The following EPHB1 variants were observed in gnomAD, a reference collection of about 807,000 sequenced individuals.
EPHB1 encodes the protein EPH receptor B1, also known as ephrin type-B receptor 1.
In EPHB1, 30 loss-of-function variants were observed where a neutral mutation model predicts 94.4. The ratio of observed to expected loss-of-function variants is 0.32; its 90% CI spans 0.24 to 0.43. The LOEUF is 0.43. EPHB1 is among the 20% of genes least tolerant of loss of function. The pLI is 1.00. For missense variants in EPHB1, 1,055 were observed against 1,308.3 expected, an observed-to-expected ratio of 0.81 and a Z score of 2.99; for synonymous variants, 522 against 489.1, an observed-to-expected ratio of 1.07 and a Z score of -0.89.
Position 135,201,599 on chromosome 3 carries a change from C to G in EPHB1, c.2256C>G (p.Val752=). ...ACCTGGCTGCTAGGAACATTCTGGT[C>G]AACAGTAACCTGGTGTGCAAGGTGT... ...HRDLAARNIL[V]NSNLVCKVSD... The change falls in exon 12 of 16, where the codon GTC becomes GTG. Residue 752 remains valine (V), a synonymous_variant. Transcript: ENST00000398015. The G allele has an allele frequency of 6.2e-7, 1 of 1,613,988 alleles. No individual in the cohort carries two copies. The highest frequency in any genetic ancestry group is 8.5e-7 in the Non-Finnish European group (1 of 1,179,958).
intron 3 of EPHB1, among the ~76,000 whole-genome samples, chr3:135,030,496 G>A (rs1344398102): frequency 6.6e-6 from 1 of 152,238 alleles, no homozygotes; most frequent in Admixed American, 6.5e-5. Context: ...TGAGGTGTCA[G>A]TATGCCCCTG....
At chr3:135,027,069 C>A (rs1936209886) in intron 3 of EPHB1, among the ~76,000 whole-genome samples, 1 of 144,310 alleles carries the variant, frequency 6.9e-6, no homozygotes, top group African/African-American at 2.6e-5. Flanking sequence ...GATTTTGTAT[C>A]CTGAGACTTT....
At chr3:134,975,147 A>G (rs897163872) in intron 3 of EPHB1, among the ~76,000 whole-genome samples, 6 of 152,206 alleles carry the variant, frequency 3.9e-5, no homozygotes, top group Non-Finnish European at 8.8e-5. Context: ...AAATGTAGGA[A>G]GAAGGCTGTT....
chr3:134,987,810 T>A (rs750516291), intron 3 of EPHB1, among the ~76,000 whole-genome samples: 2 of 151,904 alleles, frequency 1.3e-5, no homozygotes, highest in Non-Finnish European at 2.9e-5. Context: ...TGTGAGGACA[T>A]AGCAAGAAGG....
intron 3 of EPHB1, among the ~76,000 whole-genome samples, chr3:134,994,456 TC>T (rs894196949): frequency 2.6e-5 from 4 of 152,174 alleles, no homozygotes; most frequent in African/African-American, 9.7e-5. Flanking sequence ...ATGTTCTTCT[TC>T]CTCACAGTAC....
chr3:134,920,326 G>A (rs2107699469), intron 1 of EPHB1, among the ~76,000 whole-genome samples: 1 of 152,276 alleles, frequency 6.6e-6, no homozygotes, highest in Non-Finnish European at 1.5e-5. Flanking sequence ...TGTGCAGTGG[G>A]ACCAACTCTC....
At chr3:134,821,900 G>A (rs2108290200) in intron 1 of EPHB1, among the ~76,000 whole-genome samples, 1 of 152,300 alleles carries the variant, frequency 6.6e-6, no homozygotes, top group East Asian at 1.9e-4. Flanking sequence ...AGAGATCGGG[G>A]AGGTCAGAGC....
At chr3:135,252,631 T>G (rs1576503573) in intron 15 of EPHB1, among the ~76,000 whole-genome samples, 2 of 143,366 alleles carry the variant, frequency 1.4e-5, no homozygotes, top group African/African-American at 2.5e-5. Context: ...GACATGTGGG[T>G]TGGTTCCAAG....
Position 135,158,459 on chromosome 3 carries a change from G to A in EPHB1, c.1423-3559G>A, listed in dbSNP as rs561770745. On this transcript the variant is annotated intron_variant, in intron 6 of 15. Transcript: ENST00000398015. ...AATATGCAAATTGATGGGCATGGCT[G>A]GGTTCCAGTGGAACTTTATCAAAAC... Among the ~76,000 whole-genome samples, 269 of 152,304 alleles carry A rather than the reference G, an allele frequency of 1.8e-3. 2 individuals carry two copies. Among genetic ancestry groups the A allele is most frequent in the Non-Finnish European group, 2.3e-3 (159 of 68,022 alleles).
intron 4 of EPHB1, among the ~76,000 whole-genome samples, chr3:135,131,496 A>C (rs1347209749): frequency 1.3e-5 from 2 of 152,210 alleles, no homozygotes; most frequent in African/African-American, 4.8e-5. Context: ...CTGCTCCAGC[A>C]GACCTGCCAT....
At chr3:134,973,520 C>CTCCT (rs1296378811) in intron 3 of EPHB1, among the ~76,000 whole-genome samples, 8 of 150,728 alleles carry the variant, frequency 5.3e-5, no homozygotes, top group Admixed American at 5.3e-4. Context: ...CAACCTCCAC[C>CTCCT]TCCTGGGTTC....
At chr3:135,039,345 A>G (rs912544845) in intron 3 of EPHB1, among the ~76,000 whole-genome samples, 1 of 152,218 alleles carries the variant, frequency 6.6e-6, no homozygotes, top group African/African-American at 2.4e-5. Flanking sequence ...CACCAGACTC[A>G]GGAGCCCAGC....
chr3:135,183,149 C>A (rs765474878), intron 10 of EPHB1, among the ~76,000 whole-genome samples: 1 of 149,752 alleles, frequency 6.7e-6, no homozygotes, highest in Non-Finnish European at 1.5e-5. Context: ...ACTATGGGAA[C>A]TGGAAAATGC....
At chr3:135,238,235 C>A (rs1365730185) in intron 12 of EPHB1, among the ~76,000 whole-genome samples, 1 of 152,202 alleles carries the variant, frequency 6.6e-6, no homozygotes, top group Non-Finnish European at 1.5e-5. Context: ...TTTGTTCTGC[C>A]TCCCAAGTCA....
chr3:135,162,896 TTC>T (rs1028020620), intron 7 of EPHB1, among the ~76,000 whole-genome samples: 2 of 152,224 alleles, frequency 1.3e-5, no homozygotes, highest in African/African-American at 4.8e-5. Flanking sequence ...GCCTACCACT[TTC>T]TCTCTCTTAG....
chr3:135,248,532 C>T, intron 14 of EPHB1, 23 bp downstream of exon 14: 1 of 1,545,780 alleles, frequency 6.5e-7, no homozygotes, highest in Non-Finnish European at 8.8e-7. Flanking sequence ...AAACGGTGAT[C>T]CCTAAATATG....
chr3:135,152,312 G>A (rs1177803460), intron 5 of EPHB1, among the ~76,000 whole-genome samples: 1 of 152,214 alleles, frequency 6.6e-6, no homozygotes, highest in African/African-American at 2.4e-5. Flanking sequence ...AAGATCGGAA[G>A]ATATGTAAAT....
intron 1 of EPHB1, among the ~76,000 whole-genome samples, chr3:134,918,744 A>G (rs2038620206): frequency 6.6e-6 from 1 of 152,086 alleles, no homozygotes; most frequent in African/African-American, 2.4e-5. Context: ...GCTATCCTGC[A>G]CCTCTTCTGG....
chr3:134,962,862 A>G (rs1200560871), intron 3 of EPHB1, among the ~76,000 whole-genome samples: 3 of 151,332 alleles, frequency 2.0e-5, no homozygotes, highest in Non-Finnish European at 4.4e-5. Context: ...GCAGCCCCAA[A>G]TCAGTCTCAT....
Sources: gnomAD v4.1 joint callset for allele counts (sites outside exome capture counted in the v4.1 genomes callset) on GRCh38, gnomAD v4.1.1 for gene constraint, MANE v1.5 for transcripts, NCBI Gene and HGNC (gene_info 2026-07-23, HGNC 2026-07-21) for gene names.